The following SEC31A variants were observed in gnomAD, a reference collection of about 807,000 sequenced individuals.
SEC31A encodes the protein protein transport protein Sec31A.
In SEC31A, 70 loss-of-function variants were observed where a neutral mutation model predicts 151.0. The ratio of observed to expected loss-of-function variants is 0.46; its 90% CI spans 0.38 to 0.57. The LOEUF (loss-of-function observed/expected upper bound fraction) is 0.57. Among genes scored for constraint, SEC31A ranks in the 20% least tolerant of loss-of-function variants. The probability of loss-of-function intolerance (pLI) is 0.00; values close to 1 mark genes in which losing one functional copy is unlikely to be tolerated. For missense variants in SEC31A, 1,330 were observed against 1,471.2 expected (o/e 0.90, Z 1.57); for synonymous variants, 475 against 505.9 (o/e 0.94, Z 0.82).
At chr4:82,840,664 C>CCCA (rs1294240924) in intron 22 of SEC31A, among the ~76,000 whole-genome samples, 1 of 152,120 alleles carries the variant, frequency 6.6e-6, no homozygotes, top group African/African-American at 2.4e-5. Flanking sequence ...GATGGTATAG[C>CCCA]CCACCACACA....
chr4:82,823,326 G>C (rs1219520477), intron 25 of SEC31A, among the ~76,000 whole-genome samples: 3 of 152,154 alleles, frequency 2.0e-5, no homozygotes, highest in African/African-American at 7.2e-5. Flanking sequence ...TGTCTATTTA[G>C]AAGTGTGCAT....
intron 1 of SEC31A, 65 bp downstream of exon 1, chr4:82,891,023 G>T: frequency 6.5e-7 from 1 of 1,532,166 alleles, no homozygotes; most frequent in Non-Finnish European, 8.7e-7. Context: ...TCCCAGTTTT[G>T]GCCTGGGCTC....
At chr4:82,827,297 A>G (rs75701552) in intron 24 of SEC31A, 72 bp downstream of exon 24, 1 of 1,482,630 alleles carries the variant, frequency 6.7e-7, no homozygotes, top group Non-Finnish European at 9.2e-7. Flanking sequence ...CAATCATAAA[A>G]GTTAGCACAT....
intron 6 of SEC31A, among the ~76,000 whole-genome samples, chr4:82,874,300 GA>G (rs5859840): frequency 0.27 from 31,914 of 116,678 alleles, 3,367 homozygotes; most frequent in Middle Eastern, 0.41. Context: ...TCCGTCTCAA[GA>G]AAAAAAAAAA....
chr4:82,868,389 T>C (rs892187837), intron 8 of SEC31A, among the ~76,000 whole-genome samples: 9 of 151,766 alleles, frequency 5.9e-5, no homozygotes, highest in Non-Finnish European at 1.3e-4. Context: ...TAGTCCCTGT[T>C]AGCTGGGAGG....
intron 1 of SEC31A, among the ~76,000 whole-genome samples, chr4:82,887,701 C>T (rs13118857): frequency 0.22 from 32,934 of 152,162 alleles, 3,648 homozygotes; most frequent in South Asian, 0.34. Context: ...TAAACAAATG[C>T]TCATAAATGA....
intron 10 of SEC31A, 47 bp from the exon 11 acceptor site, chr4:82,864,645 G>A (rs757606191): frequency 1.3e-6 from 2 of 1,513,702 alleles, no homozygotes; most frequent in Middle Eastern, 1.8e-4. Context: ...CAAGGATATG[G>A]CCAAAAAAAG....
chr4:82,858,542 CAAAAAAA>C (rs201988682), intron 14 of SEC31A, among the ~76,000 whole-genome samples: 3 of 62,946 alleles, frequency 4.8e-5, no homozygotes, highest in Non-Finnish European at 7.9e-5. Flanking sequence ...GACTCTGTCT[CAAAAAAA>C]AAAAAAAAAA....
Position 82,864,502 on chromosome 4 carries a change from C to A in SEC31A, c.1294G>T (p.Val432Phe), listed in dbSNP as rs1246255834. 6.2e-7 allele frequency: 1 copy of A among 1,614,074 alleles called. No homozygotes were observed. The highest frequency in any genetic ancestry group is 2.2e-5 in the East Asian group (1 of 44,874). The change falls in exon 11 of 27, where the codon GTT (valine) becomes TTT (phenylalanine). Residue 432 changes from valine to phenylalanine, a missense_variant. Coordinates refer to ENST00000395310, the MANE Select transcript of SEC31A (RefSeq NM_001077207.4). ...CTGAGGAACTCCTTTTCTGTTACAA[C>A]CTGACTAATGAACACATGGTGCTGC... ...QQQHHVFISQVVTEKEFLSRS... is the reference protein window; with the variant it reads ...QQQHHVFISQFVTEKEFLSRS...
At chr4:82,862,688 T>TA in intron 12 of SEC31A, 116 bp from the exon 13 acceptor site, 2 of 819,994 alleles carry the variant, frequency 2.4e-6, no homozygotes, top group Non-Finnish European at 4.0e-6. Flanking sequence ...ATAGGAATAG[T>TA]ATGTTTAAAA....
Position 82,878,805 on chromosome 4 carries a change from T to TC in SEC31A, c.326dup (p.Asp110ArgfsTer10). 6.2e-7 allele frequency: 1 copy of TC among 1,614,118 alleles called. No individual in the cohort carries two copies. Among genetic ancestry groups the TC allele is most frequent in the South Asian group, 1.1e-5 (1 of 91,082 alleles). On this transcript the variant is annotated frameshift_variant, in exon 4 of 27. Coordinates refer to ENST00000395310, the MANE Select transcript of SEC31A (RefSeq NM_001077207.4). LOFTEE classifies it high-confidence loss of function. ...TCTGGGCAATCACAACTTCCTTGTCTCCAGCTATAATTTTAGAAGGATCAT... is the reference window on the plus strand; with the variant it reads ...TCTGGGCAATCACAACTTCCTTGTCTCCCAGCTATAATTTTAGAAGGATCAT...
chr4:82,847,775 C>CA (rs1468129840), intron 20 of SEC31A, among the ~76,000 whole-genome samples: 2 of 152,042 alleles, frequency 1.3e-5, no homozygotes, highest in African/African-American at 4.8e-5. Context: ...ACTATACCCC[C>CA]ACAGCAGCCA....
intron 2 of SEC31A, chr4:82,900,020 C>T (rs1408151257): frequency 6.6e-6 from 1 of 152,332 alleles, no homozygotes; most frequent in Non-Finnish European, 1.5e-5. Context: ...ACCAAAACCA[C>T]TTAATTGCCC....
At chr4:82,820,927 C>G in intron 26 of SEC31A, 110 bp downstream of exon 26, 1 of 813,098 alleles carries the variant, frequency 1.2e-6, no homozygotes, top group South Asian at 1.5e-5. Context: ...CTCTAAATGT[C>G]ATGACAATTT....
intron 20 of SEC31A, among the ~76,000 whole-genome samples, chr4:82,847,779 G>A (rs1179207437): frequency 6.6e-6 from 1 of 152,098 alleles, no homozygotes; most frequent in Admixed American, 6.6e-5. Context: ...TACCCCCACA[G>A]CAGCCAGAGC....
chr4:82,852,722 T>C (rs1166499926), intron 18 of SEC31A, among the ~76,000 whole-genome samples: 1 of 152,192 alleles, frequency 6.6e-6, no homozygotes, highest in Admixed American at 6.5e-5. Flanking sequence ...ATATCTAATA[T>C]ATAGTTAGTA....
intron 13 of SEC31A, 194 bp from the exon 14 acceptor site, chr4:82,861,902 A>ATTTT (rs1560633011): frequency 2.6e-5 from 5 of 193,458 alleles, no homozygotes; most frequent in Admixed American, 9.1e-5. Flanking sequence ...ACACTTTCCC[A>ATTTT]TTCTTTTTTT....
Position 82,853,658 on chromosome 4 carries a change from C to G in SEC31A, c.2066G>C (p.Cys689Ser). The G allele has an allele frequency of 6.2e-7, 1 of 1,603,160 alleles. No homozygotes were observed. The highest frequency in any genetic ancestry group is 8.5e-7 in the Non-Finnish European group (1 of 1,177,204). Residue 689 changes from cysteine to serine, a missense_variant, in exon 18 of 27, where the codon TGT becomes TCT. Coordinates refer to ENST00000395310, the MANE Select transcript of SEC31A (RefSeq NM_001077207.4). The part of the protein sequence containing the change: ...EGDSLLQTQA[C>S]LCYICAGNVE... ...ATTCCCTGCACAAATATAGCAGAGA[C>G]ATGCTTGAGTCTGCAGGAGGCTATC...
At chr4:82,887,812 A>T (rs10032004) in intron 1 of SEC31A, among the ~76,000 whole-genome samples, 69,234 of 151,470 alleles carry the variant, frequency 0.46, 18,568 homozygotes, top group Admixed American at 0.6. Flanking sequence ...TAATCCCAGC[A>T]CTTTGGGAGG....
Sources: gnomAD v4.1 joint callset for allele counts (sites outside exome capture counted in the v4.1 genomes callset) on GRCh38, gnomAD v4.1.1 for gene constraint, MANE v1.5 for transcripts, NCBI Gene and HGNC (gene_info 2026-07-23, HGNC 2026-07-21) for gene names.